CDH7: variants seen among roughly 807,000 people sequenced by gnomAD.
CDH7 encodes the protein cadherin 7.
In CDH7, 25 loss-of-function variants were observed where a neutral mutation model predicts 71.8. The ratio of observed to expected loss-of-function variants is 0.35; its 90% confidence interval spans 0.25 to 0.49. The LOEUF (loss-of-function observed/expected upper bound fraction) is 0.49. Ranked by LOEUF, CDH7 falls within the 20% of genes least tolerant of loss-of-function variation. The pLI, the probability that CDH7 is intolerant of heterozygous loss-of-function variation, is 0.99. For missense variants in CDH7, 862 were observed against 974.6 expected, an observed-to-expected ratio of 0.88 and a Z score of 1.54; for synonymous variants, 381 against 363.8, an observed-to-expected ratio of 1.05 and a Z score of -0.54.
At chr18:65,788,189 G>A (rs1238476973) in intron 2 of CDH7, among the ~76,000 whole-genome samples, 2 of 152,126 alleles carry the variant, frequency 1.3e-5, no homozygotes, top group African/African-American at 4.8e-5. Context: ...CACAGGACTG[G>A]TTGCTTGCAA....
In CDH7 at chr18:65,879,988, G is replaced by A. The variant is rs140365163; in HGVS notation, c.1865-413G>A. Among the ~76,000 whole-genome samples, 48 of 152,274 alleles carry A rather than the reference G, an allele frequency of 3.2e-4. No individual in the cohort carries two copies. In the East Asian group the frequency reaches 7.9e-3, roughly 25 times the overall value. ...CTATAAACCATTTCTTTGTGAAATT[G>A]CAGTTGTTAAATTAGACACAAAACA... On this transcript the variant is annotated intron_variant, in intron 11 of 11. Coordinates refer to ENST00000397968, the MANE Select transcript of CDH7 (RefSeq NM_004361.5).
At chr18:65,866,739 G>A (rs1441403684) in intron 11 of CDH7, among the ~76,000 whole-genome samples, 1 of 152,044 alleles carries the variant, frequency 6.6e-6, no homozygotes, top group Non-Finnish European at 1.5e-5. Context: ...CATGTTATCC[G>A]AAGTTGTATT....
In CDH7 at chr18:65,885,209, G is replaced by A. The variant is rs1914336641; in HGVS notation, c.*4315G>A. The A allele has an allele frequency of 6.6e-6, 1 of 151,728 alleles. No individual in the cohort carries two copies. Among genetic ancestry groups the A allele is most frequent in the South Asian group, 2.1e-4 (1 of 4,818 alleles). The allele number at this position is 151,728 out of a possible 1,614,324, so 9.4% of individuals were successfully genotyped here. A position where few individuals can be genotyped will look rare whatever the true frequency, so the allele number is the denominator to read the frequency against. On this transcript the variant is annotated 3_prime_UTR_variant, in exon 12 of 12. Coordinates refer to ENST00000397968, the MANE Select transcript of CDH7 (RefSeq NM_004361.5). ...TGGGATAAGCCCTTAAGAAAAATGGGAGATGTTTAAGGCTGTGATTTGGCC... is the reference window on the plus strand; with the variant it reads ...TGGGATAAGCCCTTAAGAAAAATGGAAGATGTTTAAGGCTGTGATTTGGCC...
intron 2 of CDH7, among the ~76,000 whole-genome samples, chr18:65,804,128 C>A (rs149486397): frequency 1.4e-4 from 21 of 152,000 alleles, no homozygotes; most frequent in African/African-American, 4.6e-4. Flanking sequence ...CATAAAATTT[C>A]ACCTTATGTT....
At position 65,845,399 on chromosome 18, in the gene CDH7, T is replaced by C. The variant is rs1260432540; in HGVS notation, c.1235+1334T>C. 2.0e-5 allele frequency among the ~76,000 whole-genome samples: 3 copies of C among 152,242 alleles called. No individual in the cohort carries two copies. In the East Asian group the frequency reaches 5.8e-4, roughly 29 times the overall value. On this transcript the variant is annotated intron_variant, in intron 7 of 11. Transcript: ENST00000397968. ...CGAGAGTATAATCTGTGCACAAGAATATTTATGAATCACAAATATAGCAGA... is the reference window on the plus strand; with the variant it reads ...CGAGAGTATAATCTGTGCACAAGAACATTTATGAATCACAAATATAGCAGA...
chr18:65,879,342 C>T (rs558821738), intron 11 of CDH7, among the ~76,000 whole-genome samples: 4 of 152,056 alleles, frequency 2.6e-5, no homozygotes, highest in Admixed American at 6.5e-5. Flanking sequence ...ATATAATGTA[C>T]GTTATGGGCT....
At chr18:65,786,418 C>A (rs1396190431) in intron 2 of CDH7, among the ~76,000 whole-genome samples, 3 of 152,092 alleles carry the variant, frequency 2.0e-5, no homozygotes, top group Admixed American at 6.6e-5. Context: ...ACCGCCCCCC[C>A]AGTTCTTGGA....
At chr18:65,812,521 A>T (rs1273374455) in intron 3 of CDH7, among the ~76,000 whole-genome samples, 1 of 152,250 alleles carries the variant, frequency 6.6e-6, no homozygotes, top group Non-Finnish European at 1.5e-5. Flanking sequence ...GCCATCAAAT[A>T]GTATGATATA....
rs770376549 is a variant in CDH7, at chr18:65,880,405, G to A, written c.1869G>A (p.Leu623=). The part of the protein sequence containing the change: ...ILACVLTLLV[L]ILLIVTMRRR... The stretch of plus-strand genomic sequence containing the variant: ...CTTCCTGTCTTATTGTTTCAGTGTT[G>A]ATCCTCCTTATCGTCACTATGAGAA... Residue 623 remains leucine, a synonymous_variant, in exon 12 of 12, where the codon TTG becomes TTA. Transcript: ENST00000397968. 2.0e-5 allele frequency: 31 copies of A among 1,534,566 alleles called. No individual in the cohort carries two copies. The highest frequency in any genetic ancestry group is 2.4e-5 in the Non-Finnish European group (27 of 1,147,632).
chr18:65,755,128 A>C (rs1915996379), intron 1 of CDH7, among the ~76,000 whole-genome samples: 1 of 152,364 alleles, frequency 6.6e-6, no homozygotes, highest in East Asian at 1.9e-4. Flanking sequence ...GAAAGATGAT[A>C]AGTTCCAAAG....
intron 6 of CDH7, among the ~76,000 whole-genome samples, chr18:65,829,585 G>A (rs945410657): frequency 1.3e-5 from 2 of 151,726 alleles, no homozygotes; most frequent in African/African-American, 4.9e-5. Flanking sequence ...AATTCCTGGA[G>A]AGCAACGTAA....
chr18:65,802,428 A>G (rs1911156950), intron 2 of CDH7, among the ~76,000 whole-genome samples: 1 of 152,194 alleles, frequency 6.6e-6, no homozygotes, highest in African/African-American at 2.4e-5. Flanking sequence ...TTTTATCTTA[A>G]TTCAGAAAAA....
rs1010253697 is a variant in CDH7 at position 65,809,973 on chromosome 18, A to G, written c.480A>G (p.Ala160=). The part of the protein sequence containing the change: ...EPKFLDGPYT[A]GVPEMSPVGT... ...AATTTTTGGATGGCCCATACACGGCAGGAGTTCCCGAAATGTCTCCCGTGG... is the reference window on the plus strand; with the variant it reads ...AATTTTTGGATGGCCCATACACGGCGGGAGTTCCCGAAATGTCTCCCGTGG... The change falls in exon 3 of 12, where the codon GCA becomes GCG. Residue 160 remains alanine (A), a synonymous_variant. Coordinates refer to ENST00000397968, the MANE Select transcript of CDH7 (RefSeq NM_004361.5). 1.9e-6 allele frequency: 3 copies of G among 1,611,584 alleles called. No individual in the cohort carries two copies. In the African/African-American group the frequency reaches 4.0e-5, roughly 21 times the overall value.
intron 2 of CDH7, among the ~76,000 whole-genome samples, chr18:65,781,232 G>T (rs1192139832): frequency 6.6e-6 from 1 of 152,040 alleles, no homozygotes; most frequent in East Asian, 1.9e-4. Flanking sequence ...ATTCGAGAGT[G>T]GTGCTTACTG....
At chr18:65,845,301 G>A (rs202000180) in intron 7 of CDH7, among the ~76,000 whole-genome samples, 1 of 150,658 alleles carries the variant, frequency 6.6e-6, no homozygotes, top group East Asian at 1.9e-4. Flanking sequence ...TGTATTATGT[G>A]CTTATCTAGG....
chr18:65,762,467 C>A (rs1272099524), intron 1 of CDH7, among the ~76,000 whole-genome samples, 180 bp from the exon 2 acceptor site: 2 of 151,880 alleles, frequency 1.3e-5, no homozygotes, highest in East Asian at 3.9e-4. Context: ...ACAAATATAT[C>A]AATGTATATT....
chr18:65,868,442 C>T (rs1239218982), intron 11 of CDH7, among the ~76,000 whole-genome samples: 1 of 152,176 alleles, frequency 6.6e-6, no homozygotes, highest in Admixed American at 6.5e-5. Context: ...GGGAAGCCTG[C>T]CTCCTAAATG....
At chr18:65,869,558 T>TTC (rs1276707051) in intron 11 of CDH7, among the ~76,000 whole-genome samples, 2 of 141,982 alleles carry the variant, frequency 1.4e-5, no homozygotes, top group Non-Finnish European at 3.1e-5. Context: ...TTTTTTTTTT[T>TTC]TTTTTTTTTT....
intron 2 of CDH7, among the ~76,000 whole-genome samples, chr18:65,794,083 A>T (rs1910816553): frequency 6.6e-6 from 1 of 152,150 alleles, no homozygotes; most frequent in South Asian, 2.1e-4. Flanking sequence ...ACATACTATC[A>T]ATTATAAGAT....
Sources: allele counts gnomAD v4.1 joint callset (sites outside exome capture counted in the v4.1 genomes callset), GRCh38; gene constraint gnomAD v4.1.1; transcripts MANE v1.5; gene names NCBI Gene and HGNC (gene_info 2026-07-23, HGNC 2026-07-21).